CCDC66: variants seen among roughly 807,000 people sequenced by gnomAD.
CCDC66 encodes the protein coiled-coil domain containing 66.
Under a neutral mutation model 128.3 loss-of-function variants are expected in CCDC66, and 133 were observed. That is an observed-to-expected ratio of 1.04 (90% CI 0.90 to 1.20). CCDC66 has a LOEUF of 1.20. Among genes scored for constraint, CCDC66 ranks in the 50% most tolerant of loss-of-function variants. The pLI is 0.00. For missense variants in CCDC66, 1,126 were observed against 1,075.5 expected, an observed-to-expected ratio of 1.05 and a Z score of -0.66; for synonymous variants, 387 against 357.0, an observed-to-expected ratio of 1.08 and a Z score of -0.95.
At chr3:56,582,032 G>A (rs531738000) in intron 7 of CCDC66, among the ~76,000 whole-genome samples, 1 of 152,032 alleles carries the variant, frequency 6.6e-6, no homozygotes, top group Non-Finnish European at 1.5e-5. Context: ...ACAGAGGCAG[G>A]CAGGCCTCCT....
intron 2 of CCDC66, 143 bp from the exon 3 acceptor site, chr3:56,559,426 C>T: frequency 1.9e-6 from 1 of 534,258 alleles, no homozygotes; most frequent in Non-Finnish European, 3.3e-6. Context: ...GAAAAAAATA[C>T]TCAGTCAAGA....
At chr3:56,579,511 A>G (rs1426923829) in intron 7 of CCDC66, among the ~76,000 whole-genome samples, 3 of 151,812 alleles carry the variant, frequency 2.0e-5, no homozygotes, top group African/African-American at 7.2e-5. Context: ...TAGGGTGTCA[A>G]TTTTAGATCT....
intron 7 of CCDC66, among the ~76,000 whole-genome samples, chr3:56,584,569 G>A (rs2069235822): frequency 6.6e-6 from 1 of 150,524 alleles, no homozygotes; most frequent in African/African-American, 2.4e-5. Flanking sequence ...CTTCCCAGAT[G>A]GGATGGCGGC....
At chr3:56,573,921 CAAT>C (rs34535613) in intron 7 of CCDC66, among the ~76,000 whole-genome samples, 53,439 of 102,128 alleles carry the variant, frequency 0.52, 10,494 homozygotes, top group Admixed American at 0.63. Flanking sequence ...TAAAAAAAAA[CAAT>C]AAAGTTATTT....
chr3:56,571,690 CTT>C, intron 7 of CCDC66, among the ~76,000 whole-genome samples: 1 of 152,128 alleles, frequency 6.6e-6, no homozygotes, highest in Admixed American at 6.5e-5. Flanking sequence ...TTTAAAAAAA[CTT>C]GTCATATTTT....
intron 14 of CCDC66, 75 bp from the exon 15 acceptor site, chr3:56,618,097 T>TA: frequency 8.9e-7 from 1 of 1,117,858 alleles, no homozygotes; most frequent in Non-Finnish European, 1.4e-6. Context: ...TTTCAACAAG[T>TA]AGCCCTAAAA....
intron 7 of CCDC66, among the ~76,000 whole-genome samples, chr3:56,589,860 G>C (rs1320573175): frequency 6.6e-6 from 1 of 152,068 alleles, no homozygotes; most frequent in East Asian, 1.9e-4. Flanking sequence ...AATAGACATG[G>C]CTCCAAAGAG....
rs532759695 is a variant in CCDC66 at position 56,595,182 on chromosome 3, C to T, written c.1404+1154C>T. Among the ~76,000 whole-genome samples, 22 of 152,178 alleles carry T rather than the reference C, an allele frequency of 1.4e-4. No individual in the cohort carries two copies. In the South Asian group the frequency reaches 1.4e-3, roughly 10 times the overall value. On this transcript the variant is annotated intron_variant, in intron 10 of 17. Coordinates refer to ENST00000394672, the MANE Select transcript of CCDC66 (RefSeq NM_001141947.3). ...GATATTTTGTTATATATGTAGAATGCGTAATGATTCAGCCAGAGTATTCTG... is the reference window on the plus strand; with the variant it reads ...GATATTTTGTTATATATGTAGAATGTGTAATGATTCAGCCAGAGTATTCTG...
At chr3:56,575,587 A>G (rs2067246335) in intron 7 of CCDC66, among the ~76,000 whole-genome samples, 1 of 151,726 alleles carries the variant, frequency 6.6e-6, no homozygotes, top group African/African-American at 2.4e-5. Flanking sequence ...AAAGTCTTTA[A>G]TTTTGATGAA....
rs79655969 is a variant in CCDC66 at position 56,571,283 on chromosome 3, A to G, written c.917A>G (p.Gln306Arg). ...GATAAAATAATATGGGAAAAACATC[A>G]AATTCTTGACCAATCTAGGGTAAGA... ...ESDKIIWEKH[Q>R]ILDQSRETVL... The change falls in exon 7 of 18, where the codon CAA becomes CGA. Residue 306 changes from glutamine (Q) to arginine (R), a missense_variant. Coordinates refer to ENST00000394672, the MANE Select transcript of CCDC66 (RefSeq NM_001141947.3). 9.7e-4 allele frequency: 1,488 copies of G among 1,537,404 alleles called. 18 individuals are homozygous for G. In the African/African-American group the frequency reaches 0.019, roughly 20 times the overall value.
chr3:56,583,995 G>A (rs1256720976), intron 7 of CCDC66, among the ~76,000 whole-genome samples: 5 of 133,396 alleles, frequency 3.7e-5, no homozygotes, highest in South Asian at 4.8e-4. Context: ...CCTCCCGGAC[G>A]GGGCGGCTGG....
chr3:56,581,281 A>G (rs1450926446), intron 7 of CCDC66, among the ~76,000 whole-genome samples: 2 of 151,524 alleles, frequency 1.3e-5, no homozygotes, highest in East Asian at 2.0e-4. Context: ...ACTTCTCTAC[A>G]CTGTTTATTC....
rs1362742603 is a variant in CCDC66, at chr3:56,617,101, C to G, written c.1844-11C>G. 5.4e-6 allele frequency: 8 copies of G among 1,494,478 alleles called. No individual in the cohort carries two copies. Among genetic ancestry groups the G allele is most frequent in the Non-Finnish European group, 7.2e-6 (8 of 1,118,492 alleles). The allele number at this position is 1,494,478 out of a possible 1,614,324, so 92.6% of individuals were successfully genotyped here. ...TACAATTTTTAAAAATCATTTGCAACTTTTTTTTAGATGACTTAAATATAG... is the reference window on the plus strand; with the variant it reads ...TACAATTTTTAAAAATCATTTGCAAGTTTTTTTTAGATGACTTAAATATAG... On this transcript the variant is annotated splice_polypyrimidine_tract_variant and intron_variant, in intron 13 of 17. Transcript: ENST00000394672.
chr3:56,563,762 T>G lies in CCDC66; in HGVS notation c.181T>G (p.Cys61Gly). 6.4e-7 allele frequency: 1 copy of G among 1,551,834 alleles called. No individual in the cohort carries two copies. Among genetic ancestry groups the G allele is most frequent in the Non-Finnish European group, 8.7e-7 (1 of 1,146,972 alleles). The change falls in exon 4 of 18, where the codon TGT becomes GGT. Residue 61 changes from cysteine to glycine, a missense_variant. Cys to Gly is a radical substitution (Grantham distance 159). Coordinates refer to ENST00000394672, the MANE Select transcript of CCDC66 (RefSeq NM_001141947.3). ...CATTCTAAAATCAACACAAGATACT[T>G]GTATTGGGAGTGAAAAACTTTTGCA... ...GHILKSTQDT[C>G]IGSEKLLQKK...
rs2107400681 is a variant in CCDC66, at chr3:56,617,403, A to G, written c.2135A>G (p.Tyr712Cys). 1 of 1,614,106 alleles carries G rather than the reference A, an allele frequency of 6.2e-7. No homozygotes were observed. Among genetic ancestry groups the G allele is most frequent in the East Asian group, 2.2e-5 (1 of 44,874 alleles). ...AATATAAATAAGCCACCTAAAAGGT[A>G]TATTCCAGCATCAGAAAAGTACCCT... Reference protein sequence around the residue: ...DWNINKPPKRYIPASEKYPKQ... With the variant: ...DWNINKPPKRCIPASEKYPKQ... Residue 712 changes from tyrosine (Y) to cysteine (C), a missense_variant, in exon 14 of 18, where the codon TAT becomes TGT. Tyr to Cys is a radical substitution (Grantham distance 194). Coordinates refer to ENST00000394672, the MANE Select transcript of CCDC66 (RefSeq NM_001141947.3).
At chr3:56,617,806 A>AT (rs1578058163) in intron 14 of CCDC66, 1 of 622,276 alleles carries the variant, frequency 1.6e-6, no homozygotes, top group East Asian at 2.8e-5. Context: ...TCTTTTATGA[A>AT]TTGTCTGTGG....
chr3:56,582,691 C>T (rs2068607766), intron 7 of CCDC66, among the ~76,000 whole-genome samples: 1 of 151,486 alleles, frequency 6.6e-6, no homozygotes, highest in African/African-American at 2.4e-5. Context: ...TGGTCATTGT[C>T]CAGTGCAAGA....
chr3:56,573,764 T>C (rs1350700696), intron 7 of CCDC66, among the ~76,000 whole-genome samples: 2 of 149,364 alleles, frequency 1.3e-5, no homozygotes, highest in Non-Finnish European at 2.9e-5. Context: ...GGAGGTATAA[T>C]GTGGTGTGTC....
chr3:56,598,923 T>A (rs114510697), intron 10 of CCDC66, among the ~76,000 whole-genome samples: 1,878 of 152,194 alleles, frequency 0.012, 64 homozygotes, highest in African/African-American at 0.042. Flanking sequence ...ATCAGGGTAA[T>A]GCTGGCCTCA....
Sources: gnomAD v4.1 joint callset for allele counts (sites outside exome capture counted in the v4.1 genomes callset) on GRCh38, gnomAD v4.1.1 for gene constraint, MANE v1.5 for transcripts, NCBI Gene and HGNC (gene_info 2026-07-23, HGNC 2026-07-21) for gene names.